Variants in VPS26B observed in about 807,000 individuals in gnomAD.
The protein encoded by VPS26B is VPS26 retromer complex component B.
A neutral mutation model predicts 33.3 loss-of-function variants in VPS26B; 10 were observed. The observed-to-expected ratio is 0.30, with a 90% confidence interval of 0.19 to 0.51. VPS26B has a LOEUF of 0.51. Ranked by LOEUF, VPS26B falls within the 20% of genes least tolerant of loss-of-function variation. VPS26B has a pLI of 0.98. For synonymous variants in VPS26B, 190 were observed against 176.9 expected (o/e 1.07, Z -0.59); for missense variants, 317 against 452.7 (o/e 0.70, Z 2.72).
rs938491088 is a variant in VPS26B at position 134,247,401 on chromosome 11, AAC to A, written c.*1816_*1817del. 6.6e-6 allele frequency: 1 copy of A among 152,242 alleles called. No individual in the cohort carries two copies. Among genetic ancestry groups the A allele is most frequent in the Non-Finnish European group, 1.5e-5 (1 of 68,044 alleles). 9.4% of individuals were successfully genotyped at this position (152,242 alleles called of 1,614,324 possible). A position where few individuals can be genotyped will look rare whatever the true frequency, so the allele number is the denominator to read the frequency against. Reference sequence around the variant, plus strand: ...TCAATTCCTTTGCCTCCCAACTGACAACACACGTTCATTTTCCAACCTTCCTA... The same window carrying A: ...TCAATTCCTTTGCCTCCCAACTGACAACACGTTCATTTTCCAACCTTCCTA... On this transcript the variant is annotated 3_prime_UTR_variant, in exon 6 of 6. Transcript: ENST00000281187.
At chr11:134,236,328 T>C (rs556790571) in intron 2 of VPS26B, 1 of 152,306 alleles carries the variant, frequency 6.6e-6, no homozygotes, top group African/African-American at 2.4e-5. Context: ...ATTTAATTTT[T>C]TTTTCTTTTG....
chr11:134,229,033 T>G (rs1938518939), intron 1 of VPS26B, among the ~76,000 whole-genome samples: 1 of 152,162 alleles, frequency 6.6e-6, no homozygotes, highest in Admixed American at 6.5e-5. Context: ...TTGTTTTTTA[T>G]TTAAAAAATT....
rs1400123483 is a variant in VPS26B at position 134,245,150 on chromosome 11, G to A, written c.864+70G>A. 1.9e-6 allele frequency: 3 copies of A among 1,565,662 alleles called. No individual in the cohort carries two copies. The highest frequency in any genetic ancestry group is 3.9e-5 in the Admixed American group (2 of 51,920). On this transcript the variant is annotated intron_variant, in intron 5 of 5. Transcript: ENST00000281187. The surrounding 1 kb of genome is among the most constrained non-coding windows in gnomAD (Gnocchi z 4.7). The stretch of plus-strand genomic sequence containing the variant: ...CAGGAGGCTCTCTTTCCTATGGAAG[G>A]TCAGACTCCATTTTTGCCAAGAGGT...
chr11:134,243,165 GTGA>G lies in VPS26B; in HGVS notation c.593_595del (p.Val198_Arg199delinsGly). 6.2e-7 allele frequency: 1 copy of G among 1,614,172 alleles called. No homozygotes were observed. The highest frequency in any genetic ancestry group is 8.5e-7 in the Non-Finnish European group (1 of 1,180,036). On this transcript the variant is annotated inframe_deletion, in exon 4 of 6. Coordinates refer to ENST00000281187, the MANE Select transcript of VPS26B (RefSeq NM_052875.5). Reference sequence around the variant, plus strand: ...TGTAGGGAAGATATACTTCCTGCTGGTGAGAATCAAAATCAAGCACATGGAGAT... The same window carrying G: ...TGTAGGGAAGATATACTTCCTGCTGGGAATCAAAATCAAGCACATGGAGAT...
chr11:134,243,361 G>A, intron 4 of VPS26B, 67 bp downstream of exon 4: 3 of 1,561,232 alleles, frequency 1.9e-6, no homozygotes. Context: ...GAATTCTGGA[G>A]GGGCTTGAGG....
rs374253157 is a variant in VPS26B, at chr11:134,245,190, G to A, written c.864+110G>A. On this transcript the variant is annotated intron_variant, in intron 5 of 5. Coordinates refer to ENST00000281187, the MANE Select transcript of VPS26B (RefSeq NM_052875.5). This position sits in a 1 kb window ranked among gnomAD's most constrained non-coding sequence, Gnocchi z 4.7. Reference sequence around the variant, plus strand: ...TGCCAAGAGGTGGGAACATTAGGTCGCCCACAATTGCACAACAAGAATGAG... The same window carrying A: ...TGCCAAGAGGTGGGAACATTAGGTCACCCACAATTGCACAACAAGAATGAG... 70 of 1,438,256 alleles carry A rather than the reference G, an allele frequency of 4.9e-5. 1 individual carries two copies. In the Middle Eastern group the frequency reaches 7.9e-4, roughly 16 times the overall value. The allele number at this position is 1,438,256 out of a possible 1,614,324, so 89.1% of individuals were successfully genotyped here.
Position 134,235,125 on chromosome 11 carries a change from C to T in VPS26B, c.380+72C>T. The T allele has an allele frequency of 1.3e-6, 2 of 1,533,182 alleles. 1 individual carries two copies. The highest frequency in any genetic ancestry group is 2.5e-5 in the South Asian group (2 of 80,588). 95.0% of individuals were successfully genotyped at this position (1,533,182 alleles called of 1,614,324 possible). A position where few individuals can be genotyped will look rare whatever the true frequency, so the allele number is the denominator to read the frequency against. On this transcript the variant is annotated intron_variant, in intron 2 of 5. Coordinates refer to ENST00000281187, the MANE Select transcript of VPS26B (RefSeq NM_052875.5). ...ATGTGGACAAGGACCTGAGGCCGTCCCCACTTTGAGAATCTTCACAGGGAT... is the reference window on the plus strand; with the variant it reads ...ATGTGGACAAGGACCTGAGGCCGTCTCCACTTTGAGAATCTTCACAGGGAT...
At position 134,240,261 on chromosome 11, in the gene VPS26B, G is replaced by A; in HGVS notation, c.545+106G>A. 2 of 1,297,370 alleles carry A rather than the reference G, an allele frequency of 1.5e-6. No homozygotes were observed. Among genetic ancestry groups the A allele is most frequent in the Non-Finnish European group, 2.2e-6 (2 of 921,698 alleles). The allele number at this position is 1,297,370 out of a possible 1,614,324, so 80.4% of individuals were successfully genotyped here. On this transcript the variant is annotated intron_variant, in intron 3 of 5. Transcript: ENST00000281187. The surrounding 1 kb of genome is among the most constrained non-coding windows in gnomAD (Gnocchi z 4.4). ...CCCTCTGTGACTCGACTGCTTTGTG[G>A]TGGCATGCGGTGGGGGAAGACCGTG...
intron 1 of VPS26B, 110 bp from the exon 2 acceptor site, chr11:134,234,787 A>T: frequency 7.4e-7 from 1 of 1,349,640 alleles, no homozygotes; most frequent in East Asian, 2.4e-5. Flanking sequence ...TTCTGCAGGG[A>T]GGTCCTTCCA....
In VPS26B at chr11:134,245,539, G is replaced by C; in HGVS notation, c.960G>C (p.Leu320=). 6.2e-7 allele frequency: 1 copy of C among 1,613,598 alleles called. No individual in the cohort carries two copies. Among genetic ancestry groups the C allele is most frequent in the Non-Finnish European group, 8.5e-7 (1 of 1,179,978 alleles). Residue 320 remains leucine (L), a synonymous_variant, in exon 6 of 6, where the codon CTG becomes CTC. Coordinates refer to ENST00000281187, the MANE Select transcript of VPS26B (RefSeq NM_052875.5). This position sits in a 1 kb window ranked among gnomAD's most constrained non-coding sequence, Gnocchi z 4.7. The stretch of plus-strand genomic sequence containing the variant: ...AGCGCTTTGAGGGCACCACCTCCCT[G>C]GGTGAGGTGCGGACCCCCAGCCAGC... ...ASQRFEGTTS[L]GEVRTPSQLS...
intron 2 of VPS26B, among the ~76,000 whole-genome samples, chr11:134,237,262 A>G (rs954541207): frequency 6.6e-6 from 1 of 152,122 alleles, no homozygotes; most frequent in Non-Finnish European, 1.5e-5. Context: ...TCAGAAGGCT[A>G]TTGTGAGGTC....
At chr11:134,238,920 T>C (rs1938677383) in intron 2 of VPS26B, among the ~76,000 whole-genome samples, 1 of 152,224 alleles carries the variant, frequency 6.6e-6, no homozygotes, top group African/African-American at 2.4e-5. Flanking sequence ...CATCTGGTAA[T>C]GCTTGACAGA....
intron 1 of VPS26B, among the ~76,000 whole-genome samples, chr11:134,225,775 C>G (rs1938448326): frequency 6.6e-6 from 1 of 152,168 alleles, no homozygotes; most frequent in Non-Finnish European, 1.5e-5. Flanking sequence ...CTGCAACTGC[C>G]AGACGCAAAG....
rs1938701822 is a variant in VPS26B, at chr11:134,240,526, T to C, written c.545+371T>C. Among the ~76,000 whole-genome samples the C allele has an allele frequency of 6.6e-6, 1 of 152,184 alleles. No homozygotes were observed. Among genetic ancestry groups the C allele is most frequent in the Non-Finnish European group, 1.5e-5 (1 of 68,036 alleles). On this transcript the variant is annotated intron_variant, in intron 3 of 5. Coordinates refer to ENST00000281187, the MANE Select transcript of VPS26B (RefSeq NM_052875.5). This position sits in a 1 kb window ranked among gnomAD's most constrained non-coding sequence, Gnocchi z 4.4. ...AGAATACCATTCCATTATCATGTGC[T>C]CCCTCCATCTGTGTCTTCAGAAATC...
Position 134,225,098 on chromosome 11 carries a change from G to A in VPS26B, c.-25G>A. The A allele has an allele frequency of 1.3e-6, 2 of 1,578,938 alleles. No individual in the cohort carries two copies. Among genetic ancestry groups the A allele is most frequent in the Non-Finnish European group, 1.7e-6 (2 of 1,160,794 alleles). ...CCGGTGCGAGGGAGCGGTCCTTACC[G>A]AGACCCGCCCGGCCCGGCGGTGCGA... is the stretch of plus-strand genomic sequence containing the variant. On this transcript the variant is annotated 5_prime_UTR_variant, in exon 1 of 6. Coordinates refer to ENST00000281187, the MANE Select transcript of VPS26B (RefSeq NM_052875.5).
intron 1 of VPS26B, among the ~76,000 whole-genome samples, chr11:134,233,630 C>T (rs1407754034): frequency 6.6e-6 from 1 of 152,160 alleles, no homozygotes; most frequent in Non-Finnish European, 1.5e-5. Context: ...GAGGCTGAGG[C>T]AGAAGAATTG....
chr11:134,244,995 G>A lies in VPS26B; in HGVS notation c.779G>A (p.Arg260Gln), dbSNP rs1472034375. 4 of 1,614,094 alleles carry A rather than the reference G, an allele frequency of 2.5e-6. No individual in the cohort carries two copies. Among genetic ancestry groups the A allele is most frequent in the Admixed American group, 1.7e-5 (1 of 60,024 alleles). The change falls in exon 5 of 6, where the codon CGG (arginine) becomes CAG (glutamine). Residue 260 changes from arginine (R) to glutamine (Q), a missense_variant. Transcript: ENST00000281187. The surrounding 1 kb of genome is among the most constrained non-coding windows in gnomAD (Gnocchi z 4.0). ...LAGYELTPTM[R>Q]DINKKFSVRY... Reference sequence around the variant, plus strand: ...GGGTATGAGCTCACGCCCACCATGCGGGACATCAACAAGAAGTTCTCTGTG... The same window carrying A: ...GGGTATGAGCTCACGCCCACCATGCAGGACATCAACAAGAAGTTCTCTGTG...
At chr11:134,225,418 C>A in intron 1 of VPS26B, 73 bp downstream of exon 1, 1 of 1,474,730 alleles carries the variant, frequency 6.8e-7, no homozygotes, top group Non-Finnish European at 9.4e-7. Context: ...CAGGGCCCAG[C>A]TCCTCCGGCG....
At chr11:134,226,034 G>T (rs1185163424) in intron 1 of VPS26B, among the ~76,000 whole-genome samples, 1 of 152,222 alleles carries the variant, frequency 6.6e-6, no homozygotes, top group Non-Finnish European at 1.5e-5. Context: ...TAAAGACAAA[G>T]AAATGGTGTT....
Sources: gnomAD v4.1 joint callset for allele counts (sites outside exome capture counted in the v4.1 genomes callset) on GRCh38, gnomAD v4.1.1 for gene constraint, Gnocchi (gnomAD v3.1) non-coding constraint, MANE v1.5 for transcripts, NCBI Gene and HGNC (gene_info 2026-07-23, HGNC 2026-07-21) for gene names.